PTPRS: variants seen among roughly 807,000 people sequenced by gnomAD.
PTPRS encodes the protein receptor-type tyrosine-protein phosphatase S.
PTPRS carries 63 observed loss-of-function variants against 215.3 expected under a neutral mutation model. The ratio of observed to expected loss-of-function variants is 0.29; its 90% CI spans 0.24 to 0.36. The LOEUF (loss-of-function observed/expected upper bound fraction) is 0.36. Ranked by LOEUF, PTPRS falls within the 10% of genes least tolerant of loss-of-function variation. The pLI is 1.00. For missense variants in PTPRS, 2,258 were observed against 2,825.8 expected, an observed-to-expected ratio of 0.80 and a Z score of 4.56; for synonymous variants, 1,404 against 1,191.4, an observed-to-expected ratio of 1.18 and a Z score of -3.68.
intron 1 of PTPRS, among the ~76,000 whole-genome samples, chr19:5,301,581 G>T (rs1206422056): frequency 6.6e-6 from 1 of 151,818 alleles, no homozygotes; most frequent in African/African-American, 2.4e-5. Context: ...CTCCCAAAGT[G>T]CCAGGATTAC....
chr19:5,320,435 T>C (rs1373393648), intron 1 of PTPRS, among the ~76,000 whole-genome samples: 4 of 152,206 alleles, frequency 2.6e-5, no homozygotes, highest in African/African-American at 9.7e-5. Flanking sequence ...AAATGGATTT[T>C]TTCTTTTTTA....
At chr19:5,333,004 C>A (rs2050376135) in intron 1 of PTPRS, among the ~76,000 whole-genome samples, 3 of 150,774 alleles carry the variant, frequency 2.0e-5, no homozygotes, top group Admixed American at 2.0e-4. Context: ...CAGAAATTAG[C>A]CAGATGTGGT....
chr19:5,254,476 G>A (rs2045401308), intron 9 of PTPRS, among the ~76,000 whole-genome samples: 1 of 152,056 alleles, frequency 6.6e-6, no homozygotes, highest in African/African-American at 2.4e-5. Context: ...CCTTTTCTTG[G>A]GGAGGGGAGC....
intron 11 of PTPRS, among the ~76,000 whole-genome samples, chr19:5,240,847 A>G (rs1369189932): frequency 6.7e-6 from 1 of 149,620 alleles, no homozygotes; most frequent in African/African-American, 2.5e-5. Context: ...TCAAAAATAA[A>G]TAAATAAATA....
rs878872484 is a variant in PTPRS, at chr19:5,216,876, C to T, written c.4049-109G>A. ...CTGGCGGATGCAAAGGGCAGAGCAA[C>T]GCGGACAACGGGGGGTATGTACAGC... On this transcript the variant is annotated intron_variant, in intron 25 of 37. Coordinates refer to ENST00000262963, the MANE Select transcript of PTPRS (RefSeq NM_002850.4). 5.0e-5 allele frequency: 34 copies of T among 678,840 alleles called. 1 individual carries two copies. The South Asian group carries it at 5.1e-4, about 10-fold the overall frequency. 42.1% of individuals were successfully genotyped at this position (678,840 alleles called of 1,614,324 possible).
chr19:5,254,730 G>T (rs903119899), intron 9 of PTPRS, among the ~76,000 whole-genome samples: 1 of 152,198 alleles, frequency 6.6e-6, no homozygotes, highest in African/African-American at 2.4e-5. Flanking sequence ...CTCAGAGTCT[G>T]AGAGGGGATG....
chr19:5,259,262 A>G (rs1335797884), intron 7 of PTPRS, among the ~76,000 whole-genome samples: 5 of 152,220 alleles, frequency 3.3e-5, no homozygotes, highest in African/African-American at 1.2e-4. Flanking sequence ...TTTCCCCTCA[A>G]TACATTTGAA....
intron 16 of PTPRS, among the ~76,000 whole-genome samples, chr19:5,227,460 G>C (rs1375783559): frequency 6.7e-6 from 1 of 150,042 alleles, no homozygotes; most frequent in Non-Finnish European, 1.5e-5. Context: ...TGTTGCCCAG[G>C]CTGGAGTGCA....
At chr19:5,314,141 C>T (rs1334053399) in intron 1 of PTPRS, among the ~76,000 whole-genome samples, 1 of 152,060 alleles carries the variant, frequency 6.6e-6, no homozygotes. Context: ...CTGTCTCTAT[C>T]AATCAATCGA....
rs2045631558 is a variant in PTPRS, at chr19:5,257,294, C to CT, written c.706+722dup. On this transcript the variant is annotated intron_variant, in intron 8 of 37. Transcript: ENST00000262963. This position sits in a 1 kb window ranked among gnomAD's most constrained non-coding sequence, Gnocchi z 4.4. ...GAGGCCCCCACGCTGCTGGGCATGA[C>CT]TGAGTGGGAATTGGAAACTGAGAGT... 3 of 403,734 alleles carry CT rather than the reference C, an allele frequency of 7.4e-6. No individual in the cohort carries two copies. The highest frequency in any genetic ancestry group is 6.2e-5 in the African/African-American group (3 of 48,728). 25.0% of individuals were successfully genotyped at this position (403,734 alleles called of 1,614,324 possible).
chr19:5,267,265 G>A (rs1005724100), intron 4 of PTPRS, among the ~76,000 whole-genome samples: 5 of 152,218 alleles, frequency 3.3e-5, no homozygotes, highest in Non-Finnish European at 7.4e-5. Flanking sequence ...GGAATCTCCT[G>A]GTCCCAGAGC....
At chr19:5,304,523 C>G (rs530831485) in intron 1 of PTPRS, among the ~76,000 whole-genome samples, 9 of 152,086 alleles carry the variant, frequency 5.9e-5, no homozygotes, top group African/African-American at 2.2e-4. Context: ...GTGGTGCACG[C>G]CTGTAGTCCC....
intron 3 of PTPRS, among the ~76,000 whole-genome samples, chr19:5,273,838 AG>A (rs985333631): frequency 7.2e-5 from 11 of 152,194 alleles, no homozygotes; most frequent in African/African-American, 2.7e-4. Flanking sequence ...AATGTCTGCA[AG>A]CCCATGTGAC....
At chr19:5,270,413 C>T (rs929672085) in intron 4 of PTPRS, among the ~76,000 whole-genome samples, 3 of 151,846 alleles carry the variant, frequency 2.0e-5, no homozygotes, top group Non-Finnish European at 4.4e-5. Context: ...GCCTCAGCCT[C>T]CTAAGTACTT....
At chr19:5,208,989 G>A (rs533336293) in intron 35 of PTPRS, among the ~76,000 whole-genome samples, 2 of 152,102 alleles carry the variant, frequency 1.3e-5, no homozygotes, top group East Asian at 1.9e-4. Flanking sequence ...ACAACCCAAT[G>A]GTGCCATCAT....
chr19:5,240,093 C>T, intron 12 of PTPRS, 106 bp downstream of exon 12: 2 of 1,293,778 alleles, frequency 1.5e-6, no homozygotes, highest in Non-Finnish European at 2.0e-6. Context: ...AGAGCAGAAT[C>T]CGCAGCACAC....
intron 3 of PTPRS, 78 bp from the exon 4 acceptor site, chr19:5,273,661 G>C: frequency 6.5e-7 from 1 of 1,546,228 alleles, no homozygotes; most frequent in Non-Finnish European, 8.8e-7. Context: ...GGCTAGGCTG[G>C]GCTGTAGGGG....
In PTPRS at chr19:5,210,794, G is replaced by A; in HGVS notation, c.5246C>T (p.Ala1749Val). The change falls in exon 34 of 38, where the codon GCC becomes GTC. Residue 1749 changes from alanine (A) to valine (V), a missense_variant. This residue lies in a region of PTPRS where 927 missense variants were observed against 1,125.9 expected (regional missense o/e 0.82). Transcript: ENST00000262963. The surrounding 1 kb of genome is among the most constrained non-coding windows in gnomAD (Gnocchi z 4.5). ...CAGCGGCCCCTGTGTCGCGATGTAG[G>A]CCTTCTGCTGCCTGCAGGCGTTGGG... ...SFIDGYRQQK[A>V]YIATQGPLAE... is the part of the protein sequence containing the mutation. 6.2e-7 allele frequency: 1 copy of A among 1,613,744 alleles called. No homozygotes were observed. The highest frequency in any genetic ancestry group is 8.5e-7 in the Non-Finnish European group (1 of 1,180,018).
intron 1 of PTPRS, among the ~76,000 whole-genome samples, chr19:5,329,958 T>C (rs930714400): frequency 6.0e-5 from 9 of 149,764 alleles, no homozygotes; most frequent in African/African-American, 1.5e-4. Flanking sequence ...CACATGCCTA[T>C]AATCCCAGCT....
Sources: allele counts gnomAD v4.1 joint callset (sites outside exome capture counted in the v4.1 genomes callset), GRCh38; gene constraint gnomAD v4.1.1; regional missense constraint gnomAD v4.1.1; non-coding constraint Gnocchi (gnomAD v3.1); transcripts MANE v1.5; gene names NCBI Gene and HGNC (gene_info 2026-07-23, HGNC 2026-07-21).